The following TEX11 variants were observed in gnomAD, a reference collection of about 807,000 sequenced individuals.
The protein encoded by TEX11 is testis expressed 11.
Under a neutral mutation model 84.4 loss-of-function variants are expected in TEX11, and 7 were observed. That is an observed-to-expected ratio of 0.08 (90% confidence interval 0.05 to 0.16). The LOEUF (loss-of-function observed/expected upper bound fraction) is 0.16, where lower values mean the gene tolerates loss of function less well. Ranked by LOEUF, TEX11 falls within the 10% of genes least tolerant of loss-of-function variation. The pLI is 1.00. For synonymous variants in TEX11, 264 were observed against 222.8 expected (o/e 1.18, Z -1.64); for missense variants, 551 against 660.5 (o/e 0.83, Z 1.82).
At chrX:70,706,292 A>G (rs1297385944) in intron 13 of TEX11, among the ~76,000 whole-genome samples, 2 of 95,594 alleles carry the variant, frequency 2.1e-5, no homozygotes, top group East Asian at 7.5e-4. Context: ...GGAACATCAC[A>G]CACTGGGGCC....
rs1217650383 is a variant in TEX11 at position 70,607,671 on chromosome X, T to TA, written c.1880-643dup. Among the ~76,000 whole-genome samples, 4 of 111,673 alleles carry TA rather than the reference T, an allele frequency of 3.6e-5. No individual in the cohort carries two copies. The Admixed American group carries it at 3.8e-4, about 11-fold the overall frequency. On this transcript the variant is annotated intron_variant, in intron 22 of 29. Coordinates refer to ENST00000374333, the MANE Select transcript of TEX11 (RefSeq NM_031276.3). ...CTAACTCGCAGTGGTGAAAGTAAGT[T>TA]AAAATTCACCTAAGAACAAGGTACA... is the stretch of plus-strand genomic sequence containing the variant.
At chrX:70,607,131 A>AGGT in intron 22 of TEX11, 102 bp from the exon 23 acceptor site, 5 of 584,430 alleles carry the variant, frequency 8.6e-6, no homozygotes, top group Non-Finnish European at 5.2e-6. Flanking sequence ...TGATATTAAC[A>AGGT]TACTAGTAAG....
intron 8 of TEX11, among the ~76,000 whole-genome samples, chrX:70,813,955 C>A (rs773095733): frequency 2.7e-5 from 3 of 111,556 alleles, no homozygotes; most frequent in South Asian, 7.6e-4. Context: ...TAAGAGGACA[C>A]AAACAAATGG....
intron 16 of TEX11, among the ~76,000 whole-genome samples, chrX:70,665,080 T>C (rs753950790): frequency 3.3e-4 from 37 of 111,139 alleles, no homozygotes; most frequent in African/African-American, 1.0e-3. Flanking sequence ...TTGTGTCTGT[T>C]GTAAGTCTTA....
intron 14 of TEX11, among the ~76,000 whole-genome samples, chrX:70,681,189 A>T (rs772380095): frequency 3.6e-5 from 4 of 112,637 alleles, no homozygotes; most frequent in Non-Finnish European, 7.5e-5. Context: ...AACATTAGGA[A>T]TCTCTGACCC....
intron 9 of TEX11, among the ~76,000 whole-genome samples, chrX:70,758,288 C>T (rs1333260673): frequency 8.9e-6 from 1 of 111,942 alleles, no homozygotes; most frequent in Non-Finnish European, 1.9e-5. Flanking sequence ...TGGACATCTA[C>T]AGAACTCTCC....
At chrX:70,749,056 T>C (rs1340817484) in intron 9 of TEX11, among the ~76,000 whole-genome samples, 1 of 102,639 alleles carries the variant, frequency 9.7e-6, no homozygotes, top group Non-Finnish European at 1.9e-5. Context: ...CCCATGAGCA[T>C]GGAATGTTCT....
At chrX:70,800,917 A>T (rs1399086312) in intron 9 of TEX11, among the ~76,000 whole-genome samples, 1 of 110,913 alleles carries the variant, frequency 9.0e-6, no homozygotes, top group Non-Finnish European at 1.9e-5. Flanking sequence ...TTACTTCTTG[A>T]ACCCCCTTTC....
At chrX:70,684,164 A>G (rs903201260) in intron 13 of TEX11, among the ~76,000 whole-genome samples, 16 of 112,616 alleles carry the variant, frequency 1.4e-4, no homozygotes, top group Non-Finnish European at 3.0e-4. Flanking sequence ...CTAAGAACTA[A>G]TAAATTACTT....
rs756921526 is a variant in TEX11 at position 70,906,438 on chromosome X, A to G, written c.37+1315T>C. On this transcript the variant is annotated intron_variant, in intron 2 of 29. Coordinates refer to ENST00000374333, the MANE Select transcript of TEX11 (RefSeq NM_031276.3). ...CATCTTTATACCTTTAAGATATTTT[A>G]TCCTAATTTAAAACTTAAAGTAGAT... Among the ~76,000 whole-genome samples the G allele has an allele frequency of 7.5e-4, 83 of 110,271 alleles. 1 individual carries two copies. Among genetic ancestry groups the G allele is most frequent in the African/African-American group, 2.1e-3 (64 of 30,498 alleles).
At chrX:70,657,433 A>G (rs1173050060) in intron 16 of TEX11, among the ~76,000 whole-genome samples, 1 of 100,278 alleles carries the variant, frequency 1.0e-5, no homozygotes, top group African/African-American at 3.6e-5. Flanking sequence ...TAAGGTAAAT[A>G]CCCTAAAAAG....
In TEX11 at chrX:70,651,531, C is replaced by T. The variant is rs2089811533; in HGVS notation, c.1402G>A (p.Ala468Thr). 8.3e-7 allele frequency: 1 copy of T among 1,205,439 alleles called. No homozygotes were observed. Among genetic ancestry groups the T allele is most frequent in the Non-Finnish European group, 1.1e-6 (1 of 891,409 alleles). ...LDKAKEAVAE[A>T]ERHDPRNVFT... ...ACGTTCCTAGGGTCATGTCGTTCAGCTTCTGCCACTGCCTCTTTGGCCTGG... is the reference window on the plus strand; with the variant it reads ...ACGTTCCTAGGGTCATGTCGTTCAGTTTCTGCCACTGCCTCTTTGGCCTGG... The change falls in exon 17 of 30, where the codon GCT becomes ACT. Residue 468 changes from alanine to threonine, a missense_variant. Transcript: ENST00000374333.
intron 17 of TEX11, among the ~76,000 whole-genome samples, chrX:70,646,368 A>G (rs1370068465): frequency 8.9e-6 from 1 of 112,540 alleles, no homozygotes; most frequent in Non-Finnish European, 1.9e-5. Flanking sequence ...ACACAAAAAT[A>G]GACACATGGG....
intron 28 of TEX11, among the ~76,000 whole-genome samples, chrX:70,531,673 C>T (rs1289497016): frequency 2.7e-5 from 3 of 111,108 alleles, no homozygotes; most frequent in Non-Finnish European, 5.7e-5. Context: ...GGAAGGACTG[C>T]TAATGGGTAT....
intron 28 of TEX11, among the ~76,000 whole-genome samples, chrX:70,531,187 T>C (rs2087883721): frequency 9.0e-6 from 1 of 111,631 alleles, no homozygotes; most frequent in African/African-American, 3.3e-5. Context: ...CTGTGCATTT[T>C]TGTATCTTCA....
intron 2 of TEX11, among the ~76,000 whole-genome samples, chrX:70,892,276 G>A (rs1043870398): frequency 9.0e-6 from 1 of 111,694 alleles, no homozygotes; most frequent in East Asian, 2.8e-4. Flanking sequence ...GGAAAAACTG[G>A]TACCAGCCAC....
chrX:70,729,930 G>A (rs1369569808), intron 11 of TEX11, among the ~76,000 whole-genome samples: 5 of 112,296 alleles, frequency 4.5e-5, no homozygotes, highest in Admixed American at 9.5e-5. Context: ...TTACCCACAA[G>A]GGGAAGTCCA....
chrX:70,736,886 T>C (rs781439715), intron 11 of TEX11, among the ~76,000 whole-genome samples: 3 of 111,779 alleles, frequency 2.7e-5, no homozygotes, highest in African/African-American at 9.7e-5. Flanking sequence ...AACAGCGGGA[T>C]CAAATCGTTT....
At chrX:70,541,557 C>G (rs1288214478) in intron 28 of TEX11, among the ~76,000 whole-genome samples, 2 of 111,599 alleles carry the variant, frequency 1.8e-5, no homozygotes, top group Non-Finnish European at 3.8e-5. Context: ...AAGTTCGAGA[C>G]CAGCCTGTCC....
Sources: allele counts gnomAD v4.1 joint callset (sites outside exome capture counted in the v4.1 genomes callset), GRCh38; gene constraint gnomAD v4.1.1; transcripts MANE v1.5; gene names NCBI Gene and HGNC (gene_info 2026-07-23, HGNC 2026-07-21).